Variants in UTRN observed in about 807,000 individuals in gnomAD.
UTRN encodes dystrophin-related protein 1.
A neutral mutation model predicts 463.9 loss-of-function variants in UTRN; 283 were observed. The ratio of observed to expected loss-of-function variants is 0.61; its 90% CI spans 0.55 to 0.67. The LOEUF (loss-of-function observed/expected upper bound fraction) is 0.67, where lower values mean the gene tolerates loss of function less well. Ranked by LOEUF, UTRN falls within the 30% of genes least tolerant of loss-of-function variation. The pLI, the probability that UTRN is intolerant of heterozygous loss-of-function variation, is 0.00. For synonymous variants in UTRN, 1,442 were observed against 1,431.5 expected, an observed-to-expected ratio of 1.01 and a Z score of -0.17; for missense variants, 3,922 against 4,084.3, an observed-to-expected ratio of 0.96 and a Z score of 1.08.
intron 69 of UTRN, among the ~76,000 whole-genome samples, chr6:144,831,343 G>A (rs769366333): frequency 6.6e-6 from 1 of 152,172 alleles, no homozygotes; most frequent in Admixed American, 6.5e-5. Context: ...AGGAAGGAGA[G>A]CCAGAGTCAG....
At chr6:144,579,427 G>A (rs1313463836) in intron 51 of UTRN, among the ~76,000 whole-genome samples, 2 of 152,202 alleles carry the variant, frequency 1.3e-5, no homozygotes, top group African/African-American at 4.8e-5. Flanking sequence ...CACTTGAGTA[G>A]GTAACAGTTT....
At chr6:144,672,357 T>C (rs936193433) in intron 51 of UTRN, among the ~76,000 whole-genome samples, 1 of 151,918 alleles carries the variant, frequency 6.6e-6, no homozygotes, top group Admixed American at 6.6e-5. Context: ...CTATTCCGAG[T>C]TTCTCTTTCT....
chr6:144,721,361 A>C (rs1787143809), intron 53 of UTRN, among the ~76,000 whole-genome samples: 1 of 152,164 alleles, frequency 6.6e-6, no homozygotes, highest in East Asian at 1.9e-4. Context: ...GGTGCATGCC[A>C]CAATGCCTGG....
At chr6:144,534,111 C>T (rs899492095) in intron 43 of UTRN, among the ~76,000 whole-genome samples, 1 of 152,028 alleles carries the variant, frequency 6.6e-6, no homozygotes, top group African/African-American at 2.4e-5. Flanking sequence ...TATTATGCAA[C>T]CTAAAATATT....
At chr6:144,677,732 C>T (rs1781787101) in intron 51 of UTRN, among the ~76,000 whole-genome samples, 1 of 152,212 alleles carries the variant, frequency 6.6e-6, no homozygotes, top group African/African-American at 2.4e-5. Flanking sequence ...CTCCTACCAA[C>T]AGTGTAAAAG....
chr6:144,598,060 A>G (rs1263242612), intron 51 of UTRN, among the ~76,000 whole-genome samples: 3 of 152,194 alleles, frequency 2.0e-5, no homozygotes, highest in Non-Finnish European at 4.4e-5. Context: ...TCTGGCTTCC[A>G]AGGATGAATC....
intron 51 of UTRN, among the ~76,000 whole-genome samples, chr6:144,620,238 C>A (rs1228303088): frequency 1.3e-5 from 2 of 152,072 alleles, no homozygotes; most frequent in African/African-American, 4.8e-5. Flanking sequence ...TTTAAGTACC[C>A]ACCTGTGCTG....
At chr6:144,631,371 A>G (rs1562678017) in intron 51 of UTRN, among the ~76,000 whole-genome samples, 2 of 152,122 alleles carry the variant, frequency 1.3e-5, no homozygotes, top group Non-Finnish European at 2.9e-5. Flanking sequence ...TGATCTTAGG[A>G]TATCTTATTG....
intron 66 of UTRN, 23 bp from the exon 67 acceptor site, chr6:144,827,312 TTCTGTGACTTTTG>T (rs1181392181): frequency 4.3e-6 from 7 of 1,612,204 alleles, no homozygotes; most frequent in Non-Finnish European, 5.9e-6. Context: ...AAAGTGTTTG[TTCTGTGACTTTTG>T]TCTCCCTCTC....
chr6:144,349,221 G>A (rs1371260383), intron 2 of UTRN, among the ~76,000 whole-genome samples: 1 of 152,198 alleles, frequency 6.6e-6, no homozygotes, highest in African/African-American at 2.4e-5. Flanking sequence ...TGTTAGCCAG[G>A]ATGGTCTGGA....
intron 51 of UTRN, among the ~76,000 whole-genome samples, chr6:144,598,780 G>C (rs1463976584): frequency 6.6e-6 from 1 of 152,170 alleles, no homozygotes; most frequent in Non-Finnish European, 1.5e-5. Flanking sequence ...ATTCCAAAGA[G>C]AGGAAGTTAT....
At chr6:144,797,051 T>C (rs966252099) in intron 63 of UTRN, among the ~76,000 whole-genome samples, 2 of 152,138 alleles carry the variant, frequency 1.3e-5, no homozygotes, top group Admixed American at 1.3e-4. Flanking sequence ...TCCATAGCAA[T>C]ATGCTTTCTG....
At chr6:144,730,721 AAT>A in intron 54 of UTRN, among the ~76,000 whole-genome samples, 1 of 152,160 alleles carries the variant, frequency 6.6e-6, no homozygotes, top group East Asian at 1.9e-4. Context: ...CTGCAGAAAA[AAT>A]AGATTGTCTA....
In UTRN at chr6:144,578,076, A is replaced by G. The variant is rs990554915; in HGVS notation, c.7479+788A>G. Among the ~76,000 whole-genome samples the G allele has an allele frequency of 2.6e-5, 4 of 151,974 alleles. No homozygotes were observed. In the South Asian group the frequency reaches 8.3e-4, roughly 32 times the overall value. ...AAATTAGTCGGGCGTGGTGGTGCGC[A>G]CCTGTAGTCCCAGCTACTTGGGAGG... On this transcript the variant is annotated intron_variant, in intron 51 of 74. Transcript: ENST00000367545.
chr6:144,613,515 A>G (rs1258231760), intron 51 of UTRN, among the ~76,000 whole-genome samples: 1 of 152,024 alleles, frequency 6.6e-6, no homozygotes, highest in Non-Finnish European at 1.5e-5. Flanking sequence ...TTACAAAACA[A>G]AAACAAAAAC....
intron 64 of UTRN, among the ~76,000 whole-genome samples, chr6:144,801,125 T>C (rs1287601865): frequency 3.3e-5 from 5 of 152,216 alleles, no homozygotes; most frequent in African/African-American, 1.2e-4. Flanking sequence ...TGGTAAGTGA[T>C]ATATTGTCTT....
chr6:144,836,025 CTA>C, intron 70 of UTRN, 87 bp downstream of exon 70: 1 of 1,534,630 alleles, frequency 6.5e-7, no homozygotes, highest in East Asian at 2.3e-5. Flanking sequence ...TTTTTCAAGA[CTA>C]TTGTCTAAGA....
chr6:144,428,955 C>T, intron 8 of UTRN, 62 bp downstream of exon 8: 1 of 1,110,720 alleles, frequency 9.0e-7, no homozygotes, highest in South Asian at 1.6e-5. Flanking sequence ...TCTTGAAAAG[C>T]AGTGTTTCTT....
chr6:144,617,084 G>A (rs1049886259), intron 51 of UTRN, among the ~76,000 whole-genome samples: 7 of 152,076 alleles, frequency 4.6e-5, no homozygotes, highest in Non-Finnish European at 7.4e-5. Flanking sequence ...GTTACATTCA[G>A]GGTCAATAGA....
Sources: allele counts gnomAD v4.1 joint callset (sites outside exome capture counted in the v4.1 genomes callset), GRCh38; gene constraint gnomAD v4.1.1; transcripts MANE v1.5; gene names NCBI Gene and HGNC (gene_info 2026-07-23, HGNC 2026-07-21).